Variants in SEMA3C observed in about 807,000 individuals in gnomAD.
SEMA3C encodes semaphorin-3C.
In SEMA3C, 47 loss-of-function variants were observed where a neutral mutation model predicts 89.4. The observed-to-expected ratio is 0.53, with a 90% confidence interval of 0.42 to 0.67. The LOEUF is 0.67. Among genes scored for constraint, SEMA3C ranks in the 30% least tolerant of loss-of-function variants. The pLI is 0.00. For missense variants in SEMA3C, 839 were observed against 929.1 expected, an observed-to-expected ratio of 0.90 and a Z score of 1.26; for synonymous variants, 310 against 320.2, an observed-to-expected ratio of 0.97 and a Z score of 0.34.
chr7:80,819,062 T>C (rs1789681931), intron 4 of SEMA3C, among the ~76,000 whole-genome samples: 2 of 152,360 alleles, frequency 1.3e-5, no homozygotes, highest in South Asian at 2.1e-4. Context: ...ATACATGCCC[T>C]GCTTTTTCTA....
intron 11 of SEMA3C, among the ~76,000 whole-genome samples, chr7:80,795,740 A>T (rs1057217729): frequency 6.6e-6 from 1 of 152,196 alleles, no homozygotes; most frequent in African/African-American, 2.4e-5. Context: ...GGTGCCTTTT[A>T]AGTTGTCACG....
rs572636619 is a variant in SEMA3C, at chr7:80,900,067, C to T, written c.103+16612G>A. ...TAGTGTACATTATACCCATTAATTCCTAGTCATCTTTTAATTTCCTCACTT... is the reference window on the plus strand; with the variant it reads ...TAGTGTACATTATACCCATTAATTCTTAGTCATCTTTTAATTTCCTCACTT... On this transcript the variant is annotated intron_variant, in intron 2 of 17. Transcript: ENST00000265361. Among the ~76,000 whole-genome samples, 11 of 152,054 alleles carry T rather than the reference C, an allele frequency of 7.2e-5. No homozygotes were observed. The South Asian group carries it at 2.1e-3, about 29-fold the overall frequency.
chr7:80,919,158 C>G, upstream of SEMA3C: 2 of 984,660 alleles, frequency 2.0e-6, no homozygotes, highest in South Asian at 9.4e-5. Flanking sequence ...AGGCTCGCAT[C>G]ACCACCGCGC....
At chr7:80,859,149 G>A (rs1022692132) in intron 2 of SEMA3C, among the ~76,000 whole-genome samples, 2 of 151,936 alleles carry the variant, frequency 1.3e-5, no homozygotes, top group African/African-American at 4.8e-5. Flanking sequence ...AAAGAACGGT[G>A]TGTGTGTGTA....
At chr7:80,916,433 A>G (rs951684067) in intron 2 of SEMA3C, among the ~76,000 whole-genome samples, 5 of 152,234 alleles carry the variant, frequency 3.3e-5, no homozygotes, top group African/African-American at 9.6e-5. Context: ...AGGCAAGCAC[A>G]GAAGAATTAT....
chr7:80,840,145 G>C (rs559579854), intron 2 of SEMA3C, among the ~76,000 whole-genome samples: 117 of 152,070 alleles, frequency 7.7e-4, no homozygotes, highest in African/African-American at 2.4e-3. Context: ...ATGACATACT[G>C]CTTGTGTTTA....
intron 2 of SEMA3C, among the ~76,000 whole-genome samples, chr7:80,902,898 A>G (rs548094576): frequency 2.6e-5 from 4 of 152,300 alleles, no homozygotes; most frequent in African/African-American, 7.2e-5. Context: ...GCAGGATTAT[A>G]GTACAAAGGG....
At position 80,744,808 on chromosome 7, in the gene SEMA3C, G is replaced by C. The variant is rs940441870; in HGVS notation, c.*86C>G. 12 of 1,470,432 alleles carry C rather than the reference G, an allele frequency of 8.2e-6. No homozygotes were observed. The highest frequency in any genetic ancestry group is 1.1e-5 in the Non-Finnish European group (12 of 1,059,988). 91.1% of individuals were successfully genotyped at this position (1,470,432 alleles called of 1,614,324 possible). On this transcript the variant is annotated 3_prime_UTR_variant, in exon 18 of 18. Transcript: ENST00000265361. ...TCACCTTTTTCAGTAATTCCCCTTGGTAAAGCACAAGTTTCTTTGCTCAAA... is the reference window on the plus strand; with the variant it reads ...TCACCTTTTTCAGTAATTCCCCTTGCTAAAGCACAAGTTTCTTTGCTCAAA...
chr7:80,797,573 T>C (rs1789093973), intron 11 of SEMA3C, among the ~76,000 whole-genome samples: 1 of 152,240 alleles, frequency 6.6e-6, no homozygotes, highest in Non-Finnish European at 1.5e-5. Context: ...GTTGTAATTA[T>C]TTGCTTACAC....
chr7:80,794,630 C>T (rs73370902), intron 11 of SEMA3C, among the ~76,000 whole-genome samples: 2,839 of 152,242 alleles, frequency 0.019, 82 homozygotes, highest in African/African-American at 0.054. Flanking sequence ...GATGGAAGCA[C>T]ATGACTCTGT....
At chr7:80,835,902 C>T (rs1055866315) in intron 2 of SEMA3C, among the ~76,000 whole-genome samples, 2 of 152,168 alleles carry the variant, frequency 1.3e-5, no homozygotes, top group African/African-American at 4.8e-5. Context: ...ACAGTAAAGA[C>T]TAAAAGAGGC....
intron 2 of SEMA3C, among the ~76,000 whole-genome samples, chr7:80,909,925 C>T (rs1466231418): frequency 6.6e-6 from 1 of 152,138 alleles, no homozygotes; most frequent in African/African-American, 2.4e-5. Context: ...CCTCAAATTA[C>T]TGCTGAAAAT....
chr7:80,907,395 G>A (rs1045816328), intron 2 of SEMA3C, among the ~76,000 whole-genome samples: 9 of 151,894 alleles, frequency 5.9e-5, no homozygotes, highest in African/African-American at 2.2e-4. Flanking sequence ...TGCTCTTTTG[G>A]TGATGATAAT....
At chr7:80,918,336 A>G (rs774948687) in intron 1 of SEMA3C, 1 of 152,218 alleles carries the variant, frequency 6.6e-6, no homozygotes, top group Non-Finnish European at 1.5e-5. Context: ...TATACAACCA[A>G]TTGCAAAGAA....
intron 17 of SEMA3C, among the ~76,000 whole-genome samples, chr7:80,748,625 C>T (rs3817557): frequency 0.12 from 17,894 of 152,100 alleles, 1,089 homozygotes; most frequent in East Asian, 0.23. Context: ...GTTTCTTTTA[C>T]GAACGTTTCC....
At chr7:80,878,331 T>C (rs146079609) in intron 2 of SEMA3C, among the ~76,000 whole-genome samples, 3,335 of 152,096 alleles carry the variant, frequency 0.022, 47 homozygotes, top group Non-Finnish European at 0.033. Flanking sequence ...TGAGCCGAGA[T>C]TGCACCACTG....
rs111928784 is a variant in SEMA3C at position 80,750,189 on chromosome 7, G to C, written c.1711+1080C>G. On this transcript the variant is annotated intron_variant, in intron 16 of 17. Coordinates refer to ENST00000265361, the MANE Select transcript of SEMA3C (RefSeq NM_006379.5). ...CCTTGACGAGCCACAAGGAAGGTCTGCTTGGAAATACTTTTACTTGGTGGG... is the reference window on the plus strand; with the variant it reads ...CCTTGACGAGCCACAAGGAAGGTCTCCTTGGAAATACTTTTACTTGGTGGG... Among the ~76,000 whole-genome samples the C allele has an allele frequency of 9.5e-4, 144 of 151,962 alleles. 2 individuals are homozygous for C. Among genetic ancestry groups the C allele is most frequent in the African/African-American group, 3.0e-3 (125 of 41,460 alleles).
upstream of SEMA3C, chr7:80,922,141 T>A (rs1792420282): frequency 1.6e-6 from 1 of 621,542 alleles, no homozygotes; most frequent in South Asian, 1.9e-5. Flanking sequence ...CAATTTTCAA[T>A]GAGAGAACGT....
At chr7:80,774,182 A>T (rs546672449) in intron 12 of SEMA3C, among the ~76,000 whole-genome samples, 1 of 152,340 alleles carries the variant, frequency 6.6e-6, no homozygotes, top group Non-Finnish European at 1.5e-5. Flanking sequence ...AGTTCAAACA[A>T]GTGCAAAGTG....
Sources: gnomAD v4.1 joint callset for allele counts (sites outside exome capture counted in the v4.1 genomes callset) on GRCh38, gnomAD v4.1.1 for gene constraint, MANE v1.5 for transcripts, NCBI Gene and HGNC (gene_info 2026-07-23, HGNC 2026-07-21) for gene names.